The following CTR9 variants were observed in gnomAD, a reference collection of about 807,000 sequenced individuals.
The protein encoded by CTR9 is RNA polymerase-associated protein CTR9 homolog.
CTR9 carries 41 observed loss-of-function variants against 152.1 expected under a neutral mutation model. The ratio of observed to expected loss-of-function variants is 0.27; its 90% CI spans 0.21 to 0.35. CTR9 has a LOEUF of 0.35. CTR9 is among the 10% of genes least tolerant of loss of function. The pLI is 1.00. For missense variants in CTR9, 917 were observed against 1,424.4 expected (o/e 0.64, Z 5.73); for synonymous variants, 476 against 496.2 (o/e 0.96, Z 0.54).
Position 10,778,905 on chromosome 11 carries a change from C to T in CTR9, c.3322C>T (p.Gln1108Ter). The change falls in exon 25 of 25, where the codon CAG (glutamine) becomes TAG (stop). Residue 1108 changes from glutamine (Q) to a stop codon, truncating the protein, a stop_gained. Transcript: ENST00000361367. LOFTEE classifies it high-confidence loss of function. ...GSEQSDNESV[Q>*]SGRSHSGVSE... ...TGAGCAGTCTGACAATGAATCTGTGCAGTCAGGGAGAAGCCACTCAGGAGT... is the reference window on the plus strand; with the variant it reads ...TGAGCAGTCTGACAATGAATCTGTGTAGTCAGGGAGAAGCCACTCAGGAGT... 1 of 1,614,198 alleles carries T rather than the reference C, an allele frequency of 6.2e-7. No individual in the cohort carries two copies. Among genetic ancestry groups the T allele is most frequent in the Non-Finnish European group, 8.5e-7 (1 of 1,180,018 alleles).
At chr11:10,764,808 A>G in intron 12 of CTR9, 77 bp downstream of exon 12, 1 of 1,313,466 alleles carries the variant, frequency 7.6e-7, no homozygotes, top group Non-Finnish European at 1.0e-6. Flanking sequence ...CCTGAAAAAA[A>G]TTTAGAATTG....
intron 20 of CTR9, 119 bp downstream of exon 20, chr11:10,772,774 C>A: frequency 9.4e-7 from 1 of 1,066,076 alleles, no homozygotes; most frequent in East Asian, 2.8e-5. Context: ...AATTCCAACA[C>A]TTTGGGAGGA....
At chr11:10,753,849 T>A (rs1346766317) in intron 2 of CTR9, among the ~76,000 whole-genome samples, 2 of 151,552 alleles carry the variant, frequency 1.3e-5, no homozygotes, top group Admixed American at 1.3e-4. Flanking sequence ...GGCTTTGGGG[T>A]TAGATCAAGT....
intron 20 of CTR9, 74 bp downstream of exon 20, chr11:10,772,729 A>G (rs1863164143): frequency 2.1e-6 from 3 of 1,429,632 alleles, no homozygotes; most frequent in Non-Finnish European, 2.8e-6. Context: ...TTTAAAAAAA[A>G]AAGTCCTCTG....
At chr11:10,762,102 C>A in intron 7 of CTR9, 48 bp downstream of exon 7, 1 of 1,044,918 alleles carries the variant, frequency 9.6e-7, no homozygotes, top group Non-Finnish European at 1.4e-6. Context: ...TTCTGTACTG[C>A]AATTGATATT....
rs147990647 is a variant in CTR9 at position 10,763,612 on chromosome 11, A to C, written c.958-31A>C. ...TTAAGTCTTTCCAATACTTTTGTAC[A>C]TATTGGTCTTTTTTAATTTTCATTC... is the stretch of plus-strand genomic sequence containing the variant. On this transcript the variant is annotated intron_variant, in intron 8 of 24. Coordinates refer to ENST00000361367, the MANE Select transcript of CTR9 (RefSeq NM_014633.5). 1.5e-4 allele frequency: 229 copies of C among 1,568,132 alleles called. 2 individuals carry two copies. The East Asian group carries it at 3.9e-3, about 26-fold the overall frequency.
chr11:10,768,166 T>A lies in CTR9; in HGVS notation c.1960+5T>A. 6.2e-7 allele frequency: 1 copy of A among 1,611,646 alleles called. No individual in the cohort carries two copies. Among genetic ancestry groups the A allele is most frequent in the Non-Finnish European group, 8.5e-7 (1 of 1,177,938 alleles). On this transcript the variant is annotated splice_donor_5th_base_variant and intron_variant, in intron 15 of 24. Transcript: ENST00000361367. ...TGTATGCTGCCAATGGCATAGGTGA[T>A]TATAAGACTTGAGTACCCATAACAA...
At chr11:10,775,049 G>GT (rs1414138804) in intron 22 of CTR9, among the ~76,000 whole-genome samples, 158 bp from the exon 23 acceptor site, 7 of 152,210 alleles carry the variant, frequency 4.6e-5, no homozygotes, top group African/African-American at 1.7e-4. Context: ...TGCAGCAAGA[G>GT]TAAGTTATGT....
chr11:10,775,703 G>T, intron 24 of CTR9, 70 bp downstream of exon 24: 1 of 982,240 alleles, frequency 1.0e-6, no homozygotes. Context: ...TAATCAGCCT[G>T]TCTGTACTAA....
Position 10,752,881 on chromosome 11 carries a change from A to G in CTR9, c.144+111A>G, listed in dbSNP as rs1427538519. On this transcript the variant is annotated intron_variant, in intron 2 of 24. Transcript: ENST00000361367. ...GGCTGCATGGTAGATTAGTTATACC[A>G]TGTGTATGGAAGTTAATTGTGTTAA... 1.2e-4 allele frequency: 94 copies of G among 788,978 alleles called. No individual in the cohort carries two copies. The East Asian group carries it at 2.3e-3, about 19-fold the overall frequency. The allele number at this position is 788,978 out of a possible 1,614,324, so 48.9% of individuals were successfully genotyped here. A position where few individuals can be genotyped will look rare whatever the true frequency, so the allele number is the denominator to read the frequency against.
chr11:10,762,728 G>A (rs1862996683), intron 7 of CTR9, among the ~76,000 whole-genome samples: 1 of 152,144 alleles, frequency 6.6e-6, no homozygotes, highest in Admixed American at 6.5e-5. Flanking sequence ...AATCTACTGG[G>A]AGTAGTGGCT....
chr11:10,776,257 G>A (rs2089978658), intron 24 of CTR9, among the ~76,000 whole-genome samples: 1 of 152,054 alleles, frequency 6.6e-6, no homozygotes, highest in African/African-American at 2.4e-5. Flanking sequence ...AGCTAATTTT[G>A]TATTTTTAGT....
In CTR9 at chr11:10,779,334, T is replaced by A. The variant is rs1406694655; in HGVS notation, c.*229T>A. 2 of 466,332 alleles carry A rather than the reference T, an allele frequency of 4.3e-6. No homozygotes were observed. Among genetic ancestry groups the A allele is most frequent in the Admixed American group, 7.8e-5 (2 of 25,578 alleles). 28.9% of individuals were successfully genotyped at this position (466,332 alleles called of 1,614,324 possible). A position where few individuals can be genotyped will look rare whatever the true frequency, so the allele number is the denominator to read the frequency against. ...ATTCTTTGTGGTACAATTCCACCTA[T>A]CATATGTGAAAACTGCAGTAAAAAT... On this transcript the variant is annotated 3_prime_UTR_variant, in exon 25 of 25. Coordinates refer to ENST00000361367, the MANE Select transcript of CTR9 (RefSeq NM_014633.5).
chr11:10,773,376 A>G (rs1863175279), intron 21 of CTR9, 103 bp downstream of exon 21: 1 of 1,395,582 alleles, frequency 7.2e-7, no homozygotes. Context: ...ACTAGTTTTG[A>G]CTTCCTCTTT....
intron 16 of CTR9, among the ~76,000 whole-genome samples, chr11:10,768,841 G>A (rs768550483): frequency 3.5e-4 from 54 of 152,240 alleles, no homozygotes; most frequent in African/African-American, 1.2e-3. Flanking sequence ...TACCCAGTAA[G>A]TAGTAGGATT....
intron 12 of CTR9, among the ~76,000 whole-genome samples, chr11:10,766,135 G>A (rs544434612): frequency 5.9e-5 from 9 of 152,316 alleles, no homozygotes; most frequent in African/African-American, 2.2e-4. Flanking sequence ...AAATAACTTA[G>A]CTTGAGATAA....
chr11:10,768,313 T>C (rs774266716), intron 15 of CTR9, 30 bp from the exon 16 acceptor site: 1 of 1,595,136 alleles, frequency 6.3e-7, no homozygotes, highest in South Asian at 1.1e-5. Context: ...ATTAGAAAAT[T>C]GTTAAGTGTG....
At chr11:10,753,460 T>C (rs1380971166) in intron 2 of CTR9, among the ~76,000 whole-genome samples, 1 of 152,076 alleles carries the variant, frequency 6.6e-6, no homozygotes, top group African/African-American at 2.4e-5. Flanking sequence ...CCTAATATTG[T>C]CTTGAAGAGT....
At chr11:10,772,916 A>G (rs1161070823) in intron 20 of CTR9, among the ~76,000 whole-genome samples, 2 of 151,944 alleles carry the variant, frequency 1.3e-5, no homozygotes, top group East Asian at 1.9e-4. Flanking sequence ...AATCCCAGCT[A>G]CTCGGGGAGC....
Sources: allele counts gnomAD v4.1 joint callset (sites outside exome capture counted in the v4.1 genomes callset), GRCh38; gene constraint gnomAD v4.1.1; transcripts MANE v1.5; gene names NCBI Gene and HGNC (gene_info 2026-07-23, HGNC 2026-07-21).